Variants in CCDC82 observed in about 807,000 individuals in gnomAD.
The protein encoded by CCDC82 is coiled-coil domain-containing protein 82.
CCDC82 carries 47 observed loss-of-function variants against 60.6 expected under a neutral mutation model. The ratio of observed to expected loss-of-function variants is 0.77; its 90% confidence interval spans 0.61 to 0.99. The LOEUF (loss-of-function observed/expected upper bound fraction) is 0.99. Among genes scored for constraint, CCDC82 ranks in the 50% least tolerant of loss-of-function variants. The probability of loss-of-function intolerance (pLI) is 0.00; values close to 1 mark genes in which losing one functional copy is unlikely to be tolerated. For synonymous variants in CCDC82, 212 were observed against 207.4 expected (o/e 1.02, Z -0.19); for missense variants, 588 against 633.0 (o/e 0.93, Z 0.76).
In CCDC82 at chr11:96,369,573, A is replaced by G. The variant is rs1591185147; in HGVS notation, c.1209+1440T>C. On this transcript the variant is annotated intron_variant, in intron 7 of 9. Coordinates refer to ENST00000646818, the MANE Select transcript of CCDC82 (RefSeq NM_024725.4). Reference sequence around the variant, plus strand: ...TGGAGCAGTCAGCACACACATTTGTAAATTAAGTTCACTATTATATGGGCA... The same window carrying G: ...TGGAGCAGTCAGCACACACATTTGTGAATTAAGTTCACTATTATATGGGCA... Among the ~76,000 whole-genome samples, 3 of 152,212 alleles carry G rather than the reference A, an allele frequency of 2.0e-5. No homozygotes were observed. In the East Asian group the frequency reaches 5.8e-4, roughly 29 times the overall value.
In CCDC82 at chr11:96,384,433, G is replaced by A. The variant is rs774545821; in HGVS notation, c.315C>T (p.Asn105=). The change falls in exon 4 of 10, where the codon AAC becomes AAT. Residue 105 remains asparagine, a synonymous_variant. Coordinates refer to ENST00000646818, the MANE Select transcript of CCDC82 (RefSeq NM_024725.4). ...NDSKCLINSG[N]GSTYEEETNK... ...TCGTTTCTTCTTCATATGTTGAACC[G>A]TTGCCAGAGTTAATGAGACACTTAC... The A allele has an allele frequency of 4.8e-5, 78 of 1,613,524 alleles. No individual in the cohort carries two copies. The highest frequency in any genetic ancestry group is 1.2e-4 in the Admixed American group (7 of 59,942).
At chr11:96,358,587 G>A (rs1864464249) in intron 9 of CCDC82, 1 of 1,235,114 alleles carries the variant, frequency 8.1e-7, no homozygotes, top group Admixed American at 4.2e-5. Flanking sequence ...CTGGCACCAG[G>A]TGCTTCTTCA....
At chr11:96,364,929 G>A in intron 8 of CCDC82, 51 bp downstream of exon 8, 2 of 1,494,340 alleles carry the variant, frequency 1.3e-6, no homozygotes, top group South Asian at 1.3e-5. Flanking sequence ...GATTATTTAT[G>A]AAATAAAAAT....
intron 9 of CCDC82, chr11:96,358,007 G>A: frequency 6.1e-6 from 6 of 985,332 alleles, no homozygotes; most frequent in Non-Finnish European, 7.2e-6. Context: ...AACCAGTGAT[G>A]ATGTCATTAT....
chr11:96,372,406 A>G (rs1865320978), intron 6 of CCDC82, among the ~76,000 whole-genome samples: 1 of 151,666 alleles, frequency 6.6e-6, no homozygotes, highest in South Asian at 2.1e-4. Context: ...TGTCTCTCCC[A>G]TTAGACTATA....
intron 1 of CCDC82, chr11:96,387,907 A>G (rs1047708551): frequency 6.6e-6 from 1 of 152,218 alleles, no homozygotes; most frequent in Non-Finnish European, 1.5e-5. Flanking sequence ...AGTGAGCCCA[A>G]AAGTAAAATT....
intron 9 of CCDC82, chr11:96,356,805 T>C (rs1245253153): frequency 4.1e-6 from 4 of 985,284 alleles, no homozygotes; most frequent in South Asian, 4.7e-5. Context: ...GTCAGTCTAG[T>C]TGGCATGTCT....
At chr11:96,377,152 G>A (rs1054425709) in intron 5 of CCDC82, among the ~76,000 whole-genome samples, 5 of 152,164 alleles carry the variant, frequency 3.3e-5, no homozygotes, top group Non-Finnish European at 7.3e-5. Flanking sequence ...TAGTGTATGA[G>A]GCAGAGGCAG....
chr11:96,378,027 C>G (rs964156256), intron 5 of CCDC82, among the ~76,000 whole-genome samples: 6 of 151,766 alleles, frequency 4.0e-5, no homozygotes, highest in African/African-American at 1.5e-4. Context: ...TCCATTTGTT[C>G]TGTATTTCTG....
intron 9 of CCDC82, chr11:96,358,411 T>C: frequency 1.6e-6 from 2 of 1,227,094 alleles, no homozygotes; most frequent in Non-Finnish European, 2.0e-6. Flanking sequence ...ACTCCTGTTA[T>C]CAAATTTAGT....
At chr11:96,388,359 C>T (rs2136230479) in intron 1 of CCDC82, 1 of 152,208 alleles carries the variant, frequency 6.6e-6, no homozygotes, top group Admixed American at 6.5e-5. Flanking sequence ...AGAATTTTAT[C>T]GAGCTTCTGT....
chr11:96,376,346 C>T (rs747115077), intron 5 of CCDC82, among the ~76,000 whole-genome samples: 4 of 151,942 alleles, frequency 2.6e-5, no homozygotes, highest in Non-Finnish European at 5.9e-5. Flanking sequence ...CTTTCAGAAA[C>T]ATGCTTGTCT....
intron 4 of CCDC82, 149 bp from the exon 5 acceptor site, chr11:96,383,622 T>C (rs1378147054): frequency 1.2e-5 from 7 of 569,038 alleles, no homozygotes; most frequent in African/African-American, 3.9e-5. Context: ...AATTTTGTCA[T>C]ATTAAATGCT....
Position 96,383,888 on chromosome 11 carries a change from A to T in CCDC82, c.786+74T>A, listed in dbSNP as rs974710250. The stretch of plus-strand genomic sequence containing the variant: ...TATTGAGAAATGGAACGGACTCAGC[A>T]CTTTTTTATAAAAATTAAATACTTT... On this transcript the variant is annotated intron_variant, in intron 4 of 9. Transcript: ENST00000646818. The T allele has an allele frequency of 5.3e-6, 7 of 1,329,584 alleles. No individual in the cohort carries two copies. The Admixed American group carries it at 7.1e-5, about 13-fold the overall frequency. The allele number at this position is 1,329,584 out of a possible 1,614,324, so 82.4% of individuals were successfully genotyped here. A position where few individuals can be genotyped will look rare whatever the true frequency, so the allele number is the denominator to read the frequency against.
chr11:96,357,939 G>C (rs1864431099), intron 9 of CCDC82: 1 of 985,302 alleles, frequency 1.0e-6, no homozygotes, highest in Non-Finnish European at 1.2e-6. Flanking sequence ...TCAAGATGTG[G>C]GGGGCAGGCA....
At chr11:96,361,242 A>G (rs1215059149) in intron 8 of CCDC82, among the ~76,000 whole-genome samples, 1 of 152,204 alleles carries the variant, frequency 6.6e-6, no homozygotes, top group East Asian at 1.9e-4. Context: ...AGTGATTTGT[A>G]TTTCTTTCAC....
At chr11:96,374,924 A>C (rs1212947670) in intron 5 of CCDC82, among the ~76,000 whole-genome samples, 1 of 152,156 alleles carries the variant, frequency 6.6e-6, no homozygotes, top group Non-Finnish European at 1.5e-5. Flanking sequence ...AATCTTATTA[A>C]AAATTTCTAA....
At chr11:96,364,910 G>A (rs1864862447) in intron 8 of CCDC82, 70 bp downstream of exon 8, 5 of 1,408,518 alleles carry the variant, frequency 3.5e-6, no homozygotes, top group Non-Finnish European at 4.8e-6. Flanking sequence ...TTTTCCTTAG[G>A]ATACTTAGGA....
Position 96,383,962 on chromosome 11 carries a change from C to A in CCDC82, c.786G>T (p.Glu262Asp). The change falls in exon 4 of 10, where the codon GAG (glutamate) becomes GAT (aspartate). Residue 262 changes from glutamate (E) to aspartate (D), a missense_variant and splice_region_variant. Physicochemically the swap from Glu to Asp is conservative, Grantham distance 45. Coordinates refer to ENST00000646818, the MANE Select transcript of CCDC82 (RefSeq NM_024725.4). ...ACAAATCCAACAAAATATAACACACCTCAAAATCTCTACCACTACTGCGTC... is the reference window on the plus strand; with the variant it reads ...ACAAATCCAACAAAATATAACACACATCAAAATCTCTACCACTACTGCGTC... ...RQRRSSGRDF[E>D]DSEKESCPSS... is the part of the protein sequence containing the mutation. 1 of 1,600,552 alleles carries A rather than the reference C, an allele frequency of 6.2e-7. No homozygotes were observed. The highest frequency in any genetic ancestry group is 8.5e-7 in the Non-Finnish European group (1 of 1,175,102).
Sources: gnomAD v4.1 joint callset for allele counts (sites outside exome capture counted in the v4.1 genomes callset) on GRCh38, gnomAD v4.1.1 for gene constraint, MANE v1.5 for transcripts, NCBI Gene and HGNC (gene_info 2026-07-23, HGNC 2026-07-21) for gene names.